The following TRMT9B variants were observed in gnomAD, a reference collection of about 807,000 sequenced individuals.
TRMT9B encodes probable tRNA methyltransferase 9B.
TRMT9B carries 16 observed loss-of-function variants against 11.5 expected under a neutral mutation model. The ratio of observed to expected loss-of-function variants is 1.39; its 90% CI spans 0.94 to 2.11. TRMT9B has a LOEUF of 2.11. Among genes scored for constraint, TRMT9B ranks in the 30% most tolerant of loss-of-function variants. The probability of loss-of-function intolerance (pLI) is 0.00; values close to 1 mark genes in which losing one functional copy is unlikely to be tolerated. For missense variants in TRMT9B, 941 were observed against 553.8 expected, an observed-to-expected ratio of 1.70 and a Z score of -7.02; for synonymous variants, 274 against 192.4, an observed-to-expected ratio of 1.42 and a Z score of -3.51.
In TRMT9B at chr8:13,021,895, A is replaced by C. The variant is rs1240666914; in HGVS notation, c.1216A>C (p.Thr406Pro). The C allele has an allele frequency of 6.2e-7, 1 of 1,613,836 alleles. No individual in the cohort carries two copies. Among genetic ancestry groups the C allele is most frequent in the East Asian group, 2.2e-5 (1 of 44,852 alleles). Residue 406 changes from threonine to proline, a missense_variant, in exon 5 of 5, where the codon ACA (threonine) becomes CCA (proline). Transcript: ENST00000524591. Reference protein sequence around the residue: ...EDPQTDVLDSTAFMRYYHVFR... With the variant: ...EDPQTDVLDSPAFMRYYHVFR... ...TCCACAGACTGATGTTTTGGACTCC[A>C]CAGCCTTTATGCGCTACTACCATGT...
chr8:12,994,975 C>T (rs1456602254), intron 2 of TRMT9B, among the ~76,000 whole-genome samples: 1 of 152,204 alleles, frequency 6.6e-6, no homozygotes, highest in Non-Finnish European at 1.5e-5. Context: ...AGCCCCCGCG[C>T]CTGGCTGAAA....
At chr8:12,996,319 T>A (rs1435360452) in intron 2 of TRMT9B, among the ~76,000 whole-genome samples, 2 of 152,222 alleles carry the variant, frequency 1.3e-5, no homozygotes, top group African/African-American at 2.4e-5. Context: ...GTCACTTACC[T>A]GGTGCCCTAA....
intron 2 of TRMT9B, among the ~76,000 whole-genome samples, chr8:12,994,084 A>G (rs1338078841): frequency 6.6e-6 from 1 of 152,198 alleles, no homozygotes; most frequent in Non-Finnish European, 1.5e-5. Context: ...GCCACAGTCA[A>G]TGTGCCTGGC....
chr8:12,965,024 C>A (rs2128865047), intron 1 of TRMT9B, among the ~76,000 whole-genome samples: 1 of 152,302 alleles, frequency 6.6e-6, no homozygotes, highest in African/African-American at 2.4e-5. Context: ...GACTTAATAA[C>A]CCCTCCCACT....
chr8:12,952,446 G>C (rs981486757), intron 1 of TRMT9B: 2 of 293,230 alleles, frequency 6.8e-6, no homozygotes, highest in African/African-American at 4.5e-5. Flanking sequence ...CAAAACAGGC[G>C]AGACAGCCAT....
chr8:12,966,390 TGTC>T (rs1367628526), intron 1 of TRMT9B, among the ~76,000 whole-genome samples: 1 of 152,160 alleles, frequency 6.6e-6, no homozygotes, highest in Admixed American at 6.5e-5. Flanking sequence ...TATAATACTT[TGTC>T]GTCTTTATTG....
intron 1 of TRMT9B, among the ~76,000 whole-genome samples, chr8:12,974,790 G>GT (rs1057090287): frequency 6.6e-6 from 1 of 152,220 alleles, no homozygotes; most frequent in South Asian, 2.1e-4. Context: ...GTTTTGTTTT[G>GT]TTTTTTTAAA....
chr8:13,019,051 C>T (rs867523584), intron 4 of TRMT9B, among the ~76,000 whole-genome samples: 1 of 152,114 alleles, frequency 6.6e-6, no homozygotes, highest in South Asian at 2.1e-4. Context: ...AGTTGCCCCT[C>T]TGCATTCGTC....
At chr8:12,960,716 C>G (rs1801989415) in intron 1 of TRMT9B, among the ~76,000 whole-genome samples, 1 of 152,162 alleles carries the variant, frequency 6.6e-6, no homozygotes, top group African/African-American at 2.4e-5. Context: ...CTGAAAAAGC[C>G]TAAATGCTGT....
chr8:13,011,873 T>G, intron 3 of TRMT9B: 1 of 982,948 alleles, frequency 1.0e-6, no homozygotes, highest in Non-Finnish European at 1.2e-6. Flanking sequence ...CAAGTTCAAA[T>G]TTTAAAAATT....
At chr8:12,959,995 A>T (rs1168213048) in intron 1 of TRMT9B, 1 of 152,184 alleles carries the variant, frequency 6.6e-6, no homozygotes, top group African/African-American at 2.4e-5. Context: ...TCAAGAACAT[A>T]CGTGCAGCTG....
intron 1 of TRMT9B, among the ~76,000 whole-genome samples, chr8:12,978,907 G>C (rs1804900116): frequency 6.6e-6 from 1 of 152,196 alleles, no homozygotes; most frequent in East Asian, 1.9e-4. Flanking sequence ...GTCACCTGCA[G>C]AATCTGTATG....
At chr8:12,977,659 C>CAACTGCATTCCAGCCTTGTG (rs1464917782) in intron 1 of TRMT9B, among the ~76,000 whole-genome samples, 1 of 152,052 alleles carries the variant, frequency 6.6e-6, no homozygotes, top group African/African-American at 2.4e-5. Flanking sequence ...TGAGATCACG[C>CAACTGCATTCCAGCCTTGTG]AACTGCATTC....
intron 4 of TRMT9B, among the ~76,000 whole-genome samples, chr8:13,015,591 C>G (rs1302083399): frequency 6.6e-6 from 1 of 152,142 alleles, no homozygotes; most frequent in African/African-American, 2.4e-5. Context: ...AGGGCTCAAC[C>G]AGTCCACCTG....
At position 13,026,973 on chromosome 8, in the gene TRMT9B, C is replaced by T. The variant is rs1287204854; in HGVS notation, c.*4929C>T. 2 of 167,026 alleles carry T rather than the reference C, an allele frequency of 1.2e-5. No individual in the cohort carries two copies. The highest frequency in any genetic ancestry group is 2.4e-5 in the African/African-American group (1 of 41,424). 10.3% of individuals were successfully genotyped at this position (167,026 alleles called of 1,614,324 possible). On this transcript the variant is annotated 3_prime_UTR_variant, in exon 5 of 5. Transcript: ENST00000524591. ...TTTTATCTTTTTTTCATTTGTAAATCTGTTTCGATTTGATTTGAATTAAAA... is the reference window on the plus strand; with the variant it reads ...TTTTATCTTTTTTTCATTTGTAAATTTGTTTCGATTTGATTTGAATTAAAA...
chr8:13,011,525 T>C, intron 3 of TRMT9B: 2 of 962,822 alleles, frequency 2.1e-6, no homozygotes, highest in Non-Finnish European at 2.5e-6. Context: ...TGATTTCTTT[T>C]AATATTTCTG....
At chr8:12,950,988 T>G (rs906675268) in intron 1 of TRMT9B, among the ~76,000 whole-genome samples, 1 of 152,152 alleles carries the variant, frequency 6.6e-6, no homozygotes, top group African/African-American at 2.4e-5. Flanking sequence ...ATTTTTAAAG[T>G]GCATAGATCC....
Position 13,013,509 on chromosome 8 carries a change from G to C in TRMT9B, c.328+652G>C, listed in dbSNP as rs1812053245. On this transcript the variant is annotated intron_variant, in intron 4 of 4. Coordinates refer to ENST00000524591, the MANE Select transcript of TRMT9B (RefSeq NM_020844.3). ...AAAATCCATGCCTGAAATACATGCAGGTAAGGAATACATGACATCTGCCAT... is the reference window on the plus strand; with the variant it reads ...AAAATCCATGCCTGAAATACATGCACGTAAGGAATACATGACATCTGCCAT... Among the ~76,000 whole-genome samples, 4 of 152,268 alleles carry C rather than the reference G, an allele frequency of 2.6e-5. No homozygotes were observed. In the South Asian group the frequency reaches 8.3e-4, roughly 32 times the overall value.
intron 1 of TRMT9B, among the ~76,000 whole-genome samples, chr8:12,947,304 C>A (rs1478343701): frequency 6.6e-6 from 1 of 152,184 alleles, no homozygotes; most frequent in African/African-American, 2.4e-5. Context: ...CCCGGGTCTA[C>A]CATTCAGCCT....
Sources: gnomAD v4.1 joint callset for allele counts (sites outside exome capture counted in the v4.1 genomes callset) on GRCh38, gnomAD v4.1.1 for gene constraint, MANE v1.5 for transcripts, NCBI Gene and HGNC (gene_info 2026-07-23, HGNC 2026-07-21) for gene names.